Variants in DAPK2 observed in about 807,000 individuals in gnomAD.
The protein encoded by DAPK2 is death associated protein kinase 2.
A neutral mutation model predicts 44.1 loss-of-function variants in DAPK2; 35 were observed. The observed-to-expected ratio is 0.79, with a 90% CI of 0.61 to 1.05. The LOEUF is 1.05. Among genes scored for constraint, DAPK2 ranks in the 50% least tolerant of loss-of-function variants. DAPK2 has a pLI of 0.00. For synonymous variants in DAPK2, 174 were observed against 182.6 expected (o/e 0.95, Z 0.38); for missense variants, 453 against 483.2 (o/e 0.94, Z 0.59).
chr15:64,032,253 G>A (rs145633752), intron 1 of DAPK2, among the ~76,000 whole-genome samples: 27 of 152,314 alleles, frequency 1.8e-4, no homozygotes, highest in African/African-American at 6.3e-4. Flanking sequence ...CTGACAGAAG[G>A]GAGTGGGGTG....
intron 4 of DAPK2, among the ~76,000 whole-genome samples, chr15:63,937,612 A>G (rs2077198756): frequency 6.6e-6 from 1 of 151,848 alleles, no homozygotes; most frequent in Non-Finnish European, 1.5e-5. Context: ...CCACTCCAAC[A>G]CCAGCCCTTT....
chr15:64,009,731 C>T (rs572684650), intron 1 of DAPK2, among the ~76,000 whole-genome samples: 2 of 152,248 alleles, frequency 1.3e-5, no homozygotes, highest in Non-Finnish European at 2.9e-5. Flanking sequence ...TCTCTTTATG[C>T]TCATTTCTTT....
chr15:63,915,532 G>A (rs1383063279), intron 8 of DAPK2, among the ~76,000 whole-genome samples: 1 of 152,198 alleles, frequency 6.6e-6, no homozygotes, highest in Non-Finnish European at 1.5e-5. Flanking sequence ...CCCTCACCCA[G>A]GGGAGGAAGA....
At chr15:64,016,653 C>T (rs1315356299) in intron 1 of DAPK2, among the ~76,000 whole-genome samples, 1 of 152,058 alleles carries the variant, frequency 6.6e-6, no homozygotes, top group African/African-American at 2.4e-5. Flanking sequence ...ATTAGCCGGG[C>T]ATGTTTGCTC....
chr15:63,911,670 C>T, intron 10 of DAPK2: 1 of 568,328 alleles, frequency 1.8e-6, no homozygotes, highest in Non-Finnish European at 3.2e-6. Flanking sequence ...ATGGGAGATC[C>T]TCCAGGAGTT....
intron 3 of DAPK2, among the ~76,000 whole-genome samples, chr15:63,956,216 G>A (rs2077718724): frequency 1.3e-5 from 2 of 152,026 alleles, no homozygotes; most frequent in African/African-American, 2.4e-5. Flanking sequence ...AAAGTTTGTT[G>A]ATTTTACCTT....
chr15:64,022,331 T>C (rs2079706880), intron 1 of DAPK2, among the ~76,000 whole-genome samples: 1 of 152,244 alleles, frequency 6.6e-6, no homozygotes, highest in Admixed American at 6.5e-5. Context: ...GTCATTTTCT[T>C]CAAAGCATTA....
At chr15:63,988,951 AG>A (rs1595860541) in intron 1 of DAPK2, among the ~76,000 whole-genome samples, 2 of 151,734 alleles carry the variant, frequency 1.3e-5, no homozygotes, top group African/African-American at 4.8e-5. Flanking sequence ...AGGCTGAGGC[AG>A]GGGGATCACT....
At chr15:63,985,659 G>A (rs564948380) in intron 1 of DAPK2, among the ~76,000 whole-genome samples, 4 of 152,326 alleles carry the variant, frequency 2.6e-5, no homozygotes, top group Admixed American at 1.3e-4. Context: ...AGGCAGTGGC[G>A]CAGGGCTTGG....
intron 3 of DAPK2, among the ~76,000 whole-genome samples, chr15:63,968,587 C>T (rs1421108794): frequency 2.0e-5 from 3 of 152,178 alleles, no homozygotes; most frequent in Non-Finnish European, 2.9e-5. Flanking sequence ...TTCCTCTATT[C>T]TGAGAAGGGG....
chr15:63,997,355 T>C (rs2078976545), intron 1 of DAPK2, among the ~76,000 whole-genome samples: 1 of 152,168 alleles, frequency 6.6e-6, no homozygotes, highest in Admixed American at 6.5e-5. Context: ...TGAGACAGAT[T>C]CTCGCTCTGT....
chr15:63,936,343 G>A (rs2077147503), intron 4 of DAPK2, among the ~76,000 whole-genome samples: 1 of 152,204 alleles, frequency 6.6e-6, no homozygotes, highest in African/African-American at 2.4e-5. Flanking sequence ...TGGCTCGCTG[G>A]CTCACGTCGG....
intron 1 of DAPK2, among the ~76,000 whole-genome samples, chr15:64,038,306 G>T (rs182999622): frequency 5.6e-4 from 86 of 152,352 alleles, no homozygotes; most frequent in African/African-American, 1.9e-3. Flanking sequence ...ACCCCTGCAT[G>T]CAGGACATGG....
At chr15:64,024,170 T>C (rs1467382095) in intron 1 of DAPK2, among the ~76,000 whole-genome samples, 1 of 152,190 alleles carries the variant, frequency 6.6e-6, no homozygotes, top group African/African-American at 2.4e-5. Context: ...ATTCCTCTCA[T>C]CAACCCCAAG....
chr15:64,044,889 A>T (rs925838088), upstream of DAPK2, among the ~76,000 whole-genome samples: 1 of 152,118 alleles, frequency 6.6e-6, no homozygotes, highest in Admixed American at 6.5e-5. Context: ...CACCCCCATT[A>T]GGAATCATCA....
intron 10 of DAPK2, chr15:63,909,243 A>C (rs1211402685): frequency 6.6e-6 from 1 of 152,246 alleles, no homozygotes; most frequent in African/African-American, 2.4e-5. Flanking sequence ...TATTAAAAGA[A>C]GTACTAATCC....
chr15:63,914,591 C>G (rs980908770), intron 8 of DAPK2, among the ~76,000 whole-genome samples: 2 of 152,144 alleles, frequency 1.3e-5, no homozygotes, highest in Admixed American at 6.5e-5. Flanking sequence ...CTTCTCCAAG[C>G]CTTCCAGTGG....
intron 6 of DAPK2, chr15:63,928,277 A>C (rs553373547): frequency 6.6e-6 from 1 of 152,398 alleles, no homozygotes; most frequent in South Asian, 2.1e-4. Flanking sequence ...CAGGGTTGAG[A>C]TCTTCAGCTG....
intron 2 of DAPK2, among the ~76,000 whole-genome samples, chr15:63,974,921 A>G (rs182841175): frequency 6.6e-6 from 1 of 152,268 alleles, no homozygotes; most frequent in East Asian, 1.9e-4. Flanking sequence ...GCTTAAGTTC[A>G]CTGTTTTCAT....
Sources: gnomAD v4.1 joint callset for allele counts (sites outside exome capture counted in the v4.1 genomes callset) on GRCh38, gnomAD v4.1.1 for gene constraint, MANE v1.5 for transcripts, NCBI Gene and HGNC (gene_info 2026-07-23, HGNC 2026-07-21) for gene names.